The following PBX1 variants were observed in gnomAD, a reference collection of about 807,000 sequenced individuals.
PBX1 encodes the protein PBX homeobox 1.
In PBX1, 6 loss-of-function variants were observed where a neutral mutation model predicts 53.4. That is an observed-to-expected ratio of 0.11 (90% CI 0.06 to 0.22). The LOEUF is 0.22. PBX1 is among the 10% of genes least tolerant of loss of function. The pLI is 1.00. For missense variants in PBX1, 251 were observed against 551.4 expected (o/e 0.46, Z 5.46); for synonymous variants, 204 against 212.3 (o/e 0.96, Z 0.34).
intron 7 of PBX1, among the ~76,000 whole-genome samples, chr1:164,820,463 C>G (rs867014515): frequency 6.6e-6 from 1 of 151,932 alleles, no homozygotes; most frequent in African/African-American, 2.4e-5. Context: ...GCAGGTGGAA[C>G]CAGCATATTC....
chr1:164,829,091 C>T (rs1670622390), intron 8 of PBX1: 1 of 152,130 alleles, frequency 6.6e-6, no homozygotes, highest in Admixed American at 6.5e-5. Flanking sequence ...ACCAGGAATA[C>T]ACACATCAAT....
chr1:164,714,809 G>A (rs1463633250), intron 2 of PBX1, among the ~76,000 whole-genome samples: 1 of 152,172 alleles, frequency 6.6e-6, no homozygotes. Context: ...AAGGGTATTA[G>A]AACCCAAGAA....
intron 2 of PBX1, among the ~76,000 whole-genome samples, chr1:164,731,839 G>T (rs1301199093): frequency 3.9e-5 from 6 of 152,206 alleles, no homozygotes; most frequent in Non-Finnish European, 8.8e-5. Context: ...TCGGCGGCCT[G>T]TGTGAGCTCT....
intron 2 of PBX1, among the ~76,000 whole-genome samples, chr1:164,685,609 T>C (rs1662050365): frequency 6.6e-6 from 1 of 152,212 alleles, no homozygotes; most frequent in African/African-American, 2.4e-5. Context: ...GGGAAGTTAG[T>C]ATTCACTGGA....
In PBX1 at chr1:164,713,289, T is replaced by A. The variant is rs76158971; in HGVS notation, c.266-79205T>A. ...TGCTTCTAGATGTAATTCTCTAAAA[T>A]CTTGACCTCCAACATGGCTCTCCAA... On this transcript the variant is annotated intron_variant, in intron 2 of 8. Coordinates refer to ENST00000420696, the MANE Select transcript of PBX1 (RefSeq NM_002585.4). 5.7e-3 allele frequency among the ~76,000 whole-genome samples: 861 copies of A among 152,264 alleles called. 19 individuals are homozygous for A. Among genetic ancestry groups the A allele is most frequent in the East Asian group, 0.047 (245 of 5,164 alleles).
At chr1:164,571,873 GTATATATATATATATATATATATA>G (rs59338120) in intron 2 of PBX1, among the ~76,000 whole-genome samples, 43 of 29,900 alleles carry the variant, frequency 1.4e-3, no homozygotes, top group African/African-American at 3.4e-3. Flanking sequence ...TCTGTACATT[GTATATATATATATATATATATATA>G]TATATATATA....
At chr1:164,788,738 T>G (rs547287902) in intron 2 of PBX1, among the ~76,000 whole-genome samples, 2 of 147,306 alleles carry the variant, frequency 1.4e-5, no homozygotes, top group Non-Finnish European at 3.0e-5. Flanking sequence ...TGTTGGTTTT[T>G]CTACCCGCCG....
chr1:164,870,307 T>TTCTTTCTTTCTCTCTCTCTC (rs1672340987), intron 2 of PBX1, among the ~76,000 whole-genome samples: 2 of 78,312 alleles, frequency 2.6e-5, no homozygotes, highest in Non-Finnish European at 5.1e-5. Flanking sequence ...CTTTCTTTCT[T>TTCTTTCTTTCTCTCTCTCTC]TCTTTCTTTC....
chr1:164,585,805 G>A (rs941100564), intron 2 of PBX1, among the ~76,000 whole-genome samples: 2 of 152,126 alleles, frequency 1.3e-5, no homozygotes, highest in African/African-American at 4.8e-5. Flanking sequence ...AGCATTTTGG[G>A]TTGTAAACTT....
At chr1:164,615,882 G>A (rs1460985327) in intron 2 of PBX1, among the ~76,000 whole-genome samples, 1 of 152,132 alleles carries the variant, frequency 6.6e-6, no homozygotes, top group Non-Finnish European at 1.5e-5. Flanking sequence ...TCGACTTTGG[G>A]ATTTGGCCTC....
At chr1:164,880,005 A>G (rs555778626) in intron 2 of PBX1, among the ~76,000 whole-genome samples, 3 of 152,212 alleles carry the variant, frequency 2.0e-5, no homozygotes, top group Non-Finnish European at 4.4e-5. Flanking sequence ...ATTTTGATGT[A>G]TTGAAATCTG....
chr1:164,767,689 C>T (rs1360221775), intron 2 of PBX1, among the ~76,000 whole-genome samples: 1 of 151,876 alleles, frequency 6.6e-6, no homozygotes, highest in East Asian at 1.9e-4. Flanking sequence ...TACTCACTGC[C>T]AACTCAGATT....
intron 2 of PBX1, among the ~76,000 whole-genome samples, chr1:164,671,156 ATG>A: frequency 6.6e-6 from 1 of 151,174 alleles, no homozygotes; most frequent in East Asian, 1.9e-4. Flanking sequence ...ACAAATATAT[ATG>A]TGTTTTTCAA....
intron 2 of PBX1, among the ~76,000 whole-genome samples, chr1:164,774,946 C>T (rs952717970): frequency 6.6e-6 from 1 of 152,178 alleles, no homozygotes; most frequent in Non-Finnish European, 1.5e-5. Context: ...CCTCTGCGTT[C>T]GGAAAAGAGG....
intron 2 of PBX1, among the ~76,000 whole-genome samples, chr1:164,639,194 A>G (rs1181940334): frequency 6.6e-6 from 1 of 152,218 alleles, no homozygotes; most frequent in African/African-American, 2.4e-5. Context: ...TGCAGCAAGT[A>G]TAAAGTAATT....
intron 5 of PBX1, among the ~76,000 whole-genome samples, chr1:164,811,131 A>G (rs16835139): frequency 0.018 from 2,750 of 152,262 alleles, 36 homozygotes; most frequent in East Asian, 0.048. Context: ...GTTCAAAATC[A>G]TATCTGGAAT....
chr1:164,728,149 C>T (rs1255429276), intron 2 of PBX1, among the ~76,000 whole-genome samples: 2 of 151,914 alleles, frequency 1.3e-5, no homozygotes, highest in African/African-American at 4.8e-5. Flanking sequence ...ACATAGTAGA[C>T]CCTGTCTTAA....
chr1:164,596,134 C>CT (rs1655741625), intron 2 of PBX1, among the ~76,000 whole-genome samples: 1 of 148,978 alleles, frequency 6.7e-6, no homozygotes, highest in African/African-American at 2.5e-5. Context: ...CAATTTTGAA[C>CT]TTTAATGCAT....
At chr1:164,868,494 C>T (rs1382727150) in intron 2 of PBX1, among the ~76,000 whole-genome samples, 1 of 152,166 alleles carries the variant, frequency 6.6e-6, no homozygotes, top group African/African-American at 2.4e-5. Flanking sequence ...GAAAGGCCTC[C>T]CATGACCTCT....
Sources: gnomAD v4.1 joint callset for allele counts (sites outside exome capture counted in the v4.1 genomes callset) on GRCh38, gnomAD v4.1.1 for gene constraint, MANE v1.5 for transcripts, NCBI Gene and HGNC (gene_info 2026-07-23, HGNC 2026-07-21) for gene names.